The following CAAP1 variants were observed in gnomAD, a reference collection of about 807,000 sequenced individuals.
The protein encoded by CAAP1 is conserved anti-apoptotic protein.
A neutral mutation model predicts 34.0 loss-of-function variants in CAAP1; 20 were observed. The ratio of observed to expected loss-of-function variants is 0.59; its 90% CI spans 0.41 to 0.86. The LOEUF (loss-of-function observed/expected upper bound fraction) is 0.86. Among genes scored for constraint, CAAP1 ranks in the 40% least tolerant of loss-of-function variants. The pLI, the probability that CAAP1 is intolerant of heterozygous loss-of-function variation, is 0.00. For missense variants in CAAP1, 538 were observed against 450.5 expected, an observed-to-expected ratio of 1.19 and a Z score of -1.76; for synonymous variants, 213 against 166.7, an observed-to-expected ratio of 1.28 and a Z score of -2.14.
In CAAP1 at chr9:26,874,009, C is replaced by T. The variant is rs1265085700; in HGVS notation, c.665+10801G>A. ...GATCACGAGGTCAGGAGACTGAGACCATCCTGGCTAACATGGTGAAACCCC... is the reference window on the plus strand; with the variant it reads ...GATCACGAGGTCAGGAGACTGAGACTATCCTGGCTAACATGGTGAAACCCC... On this transcript the variant is annotated intron_variant, in intron 4 of 5. Coordinates refer to ENST00000333916, the MANE Select transcript of CAAP1 (RefSeq NM_024828.4). 2.0e-5 allele frequency among the ~76,000 whole-genome samples: 3 copies of T among 151,906 alleles called. No homozygotes were observed. The East Asian group carries it at 5.8e-4, about 29-fold the overall frequency.
At chr9:26,858,558 C>A (rs1326203818) in intron 5 of CAAP1, among the ~76,000 whole-genome samples, 2 of 152,150 alleles carry the variant, frequency 1.3e-5, no homozygotes, top group African/African-American at 4.8e-5. Flanking sequence ...TGCGGTGGCT[C>A]ACGCCTGTAA....
intron 4 of CAAP1, among the ~76,000 whole-genome samples, chr9:26,867,676 T>C (rs1179527093): frequency 6.6e-6 from 1 of 152,144 alleles, no homozygotes; most frequent in African/African-American, 2.4e-5. Context: ...GTTGCACACA[T>C]CCAAAATACT....
intron 1 of CAAP1, 148 bp downstream of exon 1, chr9:26,892,265 T>G: frequency 1.3e-6 from 2 of 1,524,882 alleles, no homozygotes; most frequent in Non-Finnish European, 1.8e-6. Context: ...TCACCAGGAC[T>G]TAGGTAGGAA....
intron 4 of CAAP1, among the ~76,000 whole-genome samples, chr9:26,863,056 G>T (rs539735898): frequency 2.0e-5 from 3 of 152,182 alleles, no homozygotes; most frequent in Admixed American, 6.5e-5. Flanking sequence ...AAGTCTGAAA[G>T]TATTTCCAAA....
At chr9:26,877,130 C>T (rs191827938) in intron 4 of CAAP1, among the ~76,000 whole-genome samples, 28 of 151,986 alleles carry the variant, frequency 1.8e-4, no homozygotes, top group African/African-American at 6.3e-4. Flanking sequence ...GGCAAAAGAG[C>T]GAGACCTGCC....
At chr9:26,889,074 T>C (rs1010724548) in intron 1 of CAAP1, among the ~76,000 whole-genome samples, 1 of 152,198 alleles carries the variant, frequency 6.6e-6, no homozygotes, top group Non-Finnish European at 1.5e-5. Flanking sequence ...ACATATTATA[T>C]AAACTAAACG....
chr9:26,870,905 C>A (rs1277965542), intron 4 of CAAP1, among the ~76,000 whole-genome samples: 2 of 152,144 alleles, frequency 1.3e-5, no homozygotes, highest in African/African-American at 2.4e-5. Context: ...GCGTGAGCCA[C>A]CGCGCCCAGC....
chr9:26,875,014 G>T (rs1463921844), intron 4 of CAAP1, among the ~76,000 whole-genome samples: 1 of 151,944 alleles, frequency 6.6e-6, no homozygotes. Flanking sequence ...CATACACAGG[G>T]TATGTTAAAT....
In CAAP1 at chr9:26,859,642, T is replaced by C. The variant is rs143987942; in HGVS notation, c.739+1424A>G. On this transcript the variant is annotated intron_variant, in intron 5 of 5. Coordinates refer to ENST00000333916, the MANE Select transcript of CAAP1 (RefSeq NM_024828.4). ...CATGAGGTGTAAGGTAATATGATTA[T>C]GATTATATTATATAAAAATAATATG... is the stretch of plus-strand genomic sequence containing the variant. 2.5e-3 allele frequency among the ~76,000 whole-genome samples: 384 copies of C among 152,292 alleles called. 4 individuals are homozygous for C. The highest frequency in any genetic ancestry group is 8.8e-3 in the African/African-American group (367 of 41,550).
At chr9:26,872,442 ATATTT>A (rs1470858243) in intron 4 of CAAP1, among the ~76,000 whole-genome samples, 1 of 152,054 alleles carries the variant, frequency 6.6e-6, no homozygotes, top group Non-Finnish European at 1.5e-5. Context: ...TAACCAATTT[ATATTT>A]TAAGAATACA....
chr9:26,843,594 G>GT (rs555327004), intron 5 of CAAP1, among the ~76,000 whole-genome samples: 78 of 145,780 alleles, frequency 5.4e-4, no homozygotes, highest in African/African-American at 9.2e-4. Flanking sequence ...CCATGAATAT[G>GT]TTTTTTTTTT....
chr9:26,870,338 C>G (rs1823243548), intron 4 of CAAP1, among the ~76,000 whole-genome samples: 1 of 151,924 alleles, frequency 6.6e-6, no homozygotes, highest in African/African-American at 2.4e-5. Flanking sequence ...GGAAGGGACA[C>G]AGTGAGTGAT....
intron 4 of CAAP1, among the ~76,000 whole-genome samples, chr9:26,881,821 G>C (rs892053831): frequency 6.6e-6 from 1 of 152,194 alleles, no homozygotes; most frequent in Admixed American, 6.5e-5. Context: ...GGAAAGTCTG[G>C]AACTTCCTAG....
At chr9:26,888,886 C>T (rs569044628) in intron 1 of CAAP1, among the ~76,000 whole-genome samples, 1 of 152,234 alleles carries the variant, frequency 6.6e-6, no homozygotes, top group South Asian at 2.1e-4. Flanking sequence ...TGCTGTATAG[C>T]GTTATCTATA....
chr9:26,877,999 G>T (rs1823486399), intron 4 of CAAP1, among the ~76,000 whole-genome samples: 1 of 151,838 alleles, frequency 6.6e-6, no homozygotes, highest in Admixed American at 6.6e-5. Context: ...GGATGATAAA[G>T]CCTTCTAACT....
At chr9:26,879,441 G>T (rs553608813) in intron 4 of CAAP1, among the ~76,000 whole-genome samples, 1 of 152,324 alleles carries the variant, frequency 6.6e-6, no homozygotes, top group South Asian at 2.1e-4. Context: ...GGAAATAATT[G>T]ATTTCTATCC....
intron 5 of CAAP1, among the ~76,000 whole-genome samples, chr9:26,854,419 T>C (rs1036781756): frequency 2.8e-4 from 42 of 152,174 alleles, no homozygotes; most frequent in Non-Finnish European, 2.9e-5. Flanking sequence ...TCTATACTAT[T>C]TCCCAGAACT....
intron 4 of CAAP1, among the ~76,000 whole-genome samples, chr9:26,867,060 G>A (rs1245595031): frequency 1.3e-5 from 2 of 152,150 alleles, no homozygotes; most frequent in African/African-American, 4.8e-5. Flanking sequence ...ATTGTGAACT[G>A]CACATGCAAG....
At position 26,886,089 on chromosome 9, in the gene CAAP1, A is replaced by C. The variant is rs752770852; in HGVS notation, c.589+15T>G. On this transcript the variant is annotated intron_variant, in intron 3 of 5. Transcript: ENST00000333916. ...AACTAAGAAGTTGCCAGAATGTAAA[A>C]ATATGTATTCTTACCCTCAAGAATC... 2 of 1,395,004 alleles carry C rather than the reference A, an allele frequency of 1.4e-6. No individual in the cohort carries two copies. Among genetic ancestry groups the C allele is most frequent in the South Asian group, 2.8e-5 (2 of 70,486 alleles). The allele number at this position is 1,395,004 out of a possible 1,614,324, so 86.4% of individuals were successfully genotyped here.
Sources: gnomAD v4.1 joint callset for allele counts (sites outside exome capture counted in the v4.1 genomes callset) on GRCh38, gnomAD v4.1.1 for gene constraint, MANE v1.5 for transcripts, NCBI Gene and HGNC (gene_info 2026-07-23, HGNC 2026-07-21) for gene names.